DOCK3: variants seen among roughly 807,000 people sequenced by gnomAD.
The protein encoded by DOCK3 is dedicator of cytokinesis protein 3.
Under a neutral mutation model 265.6 loss-of-function variants are expected in DOCK3, and 60 were observed. The observed-to-expected ratio is 0.23, with a 90% CI of 0.18 to 0.28. DOCK3 has a LOEUF of 0.28. Among genes scored for constraint, DOCK3 ranks in the 10% least tolerant of loss-of-function variants. The pLI, the probability that DOCK3 is intolerant of heterozygous loss-of-function variation, is 1.00. For synonymous variants in DOCK3, 881 were observed against 938.0 expected (o/e 0.94, Z 1.11); for missense variants, 1,981 against 2,594.3 (o/e 0.76, Z 5.14).
chr3:51,137,197 T>C lies in DOCK3; in HGVS notation c.747-9352T>C, dbSNP rs569634049. Among the ~76,000 whole-genome samples, 210 of 152,280 alleles carry C rather than the reference T, an allele frequency of 1.4e-3. 1 individual carries two copies. The highest frequency in any genetic ancestry group is 0.014 in the Middle Eastern group (4 of 294). On this transcript the variant is annotated intron_variant, in intron 9 of 52. Transcript: ENST00000266037. ...ATTTGAGAAATAAAGCCAAGTGATC[T>C]AAATTGGAAAATGAATCTATGAGGG...
chr3:51,133,509 C>T (rs1035876000), intron 9 of DOCK3, among the ~76,000 whole-genome samples: 1 of 152,052 alleles, frequency 6.6e-6, no homozygotes, highest in Non-Finnish European at 1.5e-5. Flanking sequence ...TTTTTTATGG[C>T]TGCATAGTGT....
chr3:51,029,808 C>A (rs1252834735), intron 5 of DOCK3, among the ~76,000 whole-genome samples: 1 of 152,176 alleles, frequency 6.6e-6, no homozygotes, highest in African/African-American at 2.4e-5. Context: ...GAGAATCTCT[C>A]ATCAGGGCAG....
intron 27 of DOCK3, among the ~76,000 whole-genome samples, chr3:51,308,508 CAT>C (rs1455094235): frequency 3.3e-5 from 5 of 151,564 alleles, no homozygotes; most frequent in African/African-American, 9.7e-5. Context: ...GGACACAGCA[CAT>C]GTTTCAGAGA....
At chr3:50,779,577 T>A (rs1404647839) in intron 2 of DOCK3, among the ~76,000 whole-genome samples, 1 of 151,962 alleles carries the variant, frequency 6.6e-6, no homozygotes, top group Non-Finnish European at 1.5e-5. Context: ...AGAGATAGGA[T>A]TTCACCATGT....
At chr3:51,248,674 C>T (rs1359580301) in intron 22 of DOCK3, among the ~76,000 whole-genome samples, 2 of 151,652 alleles carry the variant, frequency 1.3e-5, no homozygotes, top group African/African-American at 4.9e-5. Flanking sequence ...ATGTGAGGAG[C>T]CCCTCTGCCT....
At chr3:50,795,729 A>G (rs1295890161) in intron 2 of DOCK3, among the ~76,000 whole-genome samples, 1 of 152,090 alleles carries the variant, frequency 6.6e-6, no homozygotes, top group Non-Finnish European at 1.5e-5. Context: ...GTTTTATTTC[A>G]GAAGCCCAGT....
At chr3:50,788,004 C>T in intron 2 of DOCK3, 1 of 778,274 alleles carries the variant, frequency 1.3e-6, no homozygotes, top group Non-Finnish European at 2.2e-6. Context: ...TCCTGGTCTT[C>T]CTTAATAGCA....
intron 1 of DOCK3, among the ~76,000 whole-genome samples, chr3:50,720,977 T>C (rs2037445242): frequency 6.6e-6 from 1 of 152,198 alleles, no homozygotes; most frequent in Non-Finnish European, 1.5e-5. Flanking sequence ...TTTTTTCATA[T>C]GCTTGTTGGC....
At chr3:51,368,223 G>A (rs1290709332) in intron 49 of DOCK3, among the ~76,000 whole-genome samples, 1 of 152,194 alleles carries the variant, frequency 6.6e-6, no homozygotes, top group African/African-American at 2.4e-5. Flanking sequence ...GGGCTTGTCA[G>A]ACACTGGGTG....
intron 1 of DOCK3, among the ~76,000 whole-genome samples, chr3:50,683,704 T>C (rs2034571767): frequency 6.6e-6 from 1 of 152,020 alleles, no homozygotes; most frequent in South Asian, 2.1e-4. Context: ...GAGAAAGAAA[T>C]ATCAGCATTG....
intron 12 of DOCK3, among the ~76,000 whole-genome samples, chr3:51,186,944 G>A (rs2087639918): frequency 6.6e-6 from 1 of 152,210 alleles, no homozygotes; most frequent in South Asian, 2.1e-4. Context: ...CCTCTGCTAG[G>A]GCAGTGCAGA....
chr3:51,172,863 A>AT (rs529143657), intron 12 of DOCK3, among the ~76,000 whole-genome samples: 2 of 152,036 alleles, frequency 1.3e-5, no homozygotes, highest in Non-Finnish European at 1.5e-5. Flanking sequence ...ACATTTTATA[A>AT]TTTTTTGTTA....
intron 22 of DOCK3, among the ~76,000 whole-genome samples, chr3:51,256,921 A>G (rs2108728693): frequency 6.6e-6 from 1 of 152,338 alleles, no homozygotes; most frequent in East Asian, 1.9e-4. Context: ...TTAAGGAACC[A>G]AAAGGCAACT....
chr3:51,368,829 A>C (rs989864488), intron 49 of DOCK3, among the ~76,000 whole-genome samples: 1 of 152,224 alleles, frequency 6.6e-6, no homozygotes, highest in Non-Finnish European at 1.5e-5. Flanking sequence ...GACACCTCAT[A>C]TGGCAGGGTG....
intron 21 of DOCK3, among the ~76,000 whole-genome samples, chr3:51,243,289 C>T (rs1006172380): frequency 6.6e-6 from 1 of 152,182 alleles, no homozygotes; most frequent in African/African-American, 2.4e-5. Flanking sequence ...AAGCAGCTCT[C>T]CCTGCCAACT....
At chr3:50,880,282 A>G (rs1197256782) in intron 3 of DOCK3, among the ~76,000 whole-genome samples, 1 of 152,218 alleles carries the variant, frequency 6.6e-6, no homozygotes, top group African/African-American at 2.4e-5. Flanking sequence ...AACTAAGAGC[A>G]GAACTGAAGG....
At chr3:50,948,885 T>A (rs1348270035) in intron 5 of DOCK3, among the ~76,000 whole-genome samples, 2 of 152,202 alleles carry the variant, frequency 1.3e-5, no homozygotes, top group Non-Finnish European at 2.9e-5. Context: ...CTATAAAATA[T>A]AGTAAGACTG....
intron 5 of DOCK3, among the ~76,000 whole-genome samples, chr3:51,013,588 C>T (rs2079035383): frequency 6.6e-6 from 1 of 152,126 alleles, no homozygotes; most frequent in Non-Finnish European, 1.5e-5. Flanking sequence ...CAGTCAGCCC[C>T]TATTGGGAGG....
intron 12 of DOCK3, among the ~76,000 whole-genome samples, chr3:51,184,548 C>CA (rs34361078): frequency 0.83 from 121,183 of 145,564 alleles, 50,514 homozygotes; most frequent in Middle Eastern, 0.9. Flanking sequence ...CAATTTTAGC[C>CA]AAAAAAAAAA....
Sources: allele counts gnomAD v4.1 joint callset (sites outside exome capture counted in the v4.1 genomes callset), GRCh38; gene constraint gnomAD v4.1.1; transcripts MANE v1.5; gene names NCBI Gene and HGNC (gene_info 2026-07-23, HGNC 2026-07-21).